DNAAF1: variants seen among roughly 807,000 people sequenced by gnomAD.
The protein encoded by DNAAF1 is dynein assembly factor 1, axonemal.
A neutral mutation model predicts 71.1 loss-of-function variants in DNAAF1; 65 were observed. The ratio of observed to expected loss-of-function variants is 0.91; its 90% CI spans 0.75 to 1.12. The LOEUF is 1.12. Ranked by LOEUF, DNAAF1 falls within the 50% of genes most tolerant of loss-of-function variation. The pLI is 0.00. For synonymous variants in DNAAF1, 414 were observed against 354.6 expected, an observed-to-expected ratio of 1.17 and a Z score of -1.88; for missense variants, 1,178 against 899.8, an observed-to-expected ratio of 1.31 and a Z score of -3.96.
At chr16:84,152,109 G>A (rs904800220) in intron 3 of DNAAF1, among the ~76,000 whole-genome samples, 5 of 152,222 alleles carry the variant, frequency 3.3e-5, no homozygotes, top group African/African-American at 7.2e-5. Flanking sequence ...AGGACTGACC[G>A]TAGCGTGTAG....
chr16:84,152,108 C>T (rs1020441409), intron 3 of DNAAF1, among the ~76,000 whole-genome samples: 2 of 152,166 alleles, frequency 1.3e-5, no homozygotes, highest in Admixed American at 1.3e-4. Flanking sequence ...GAGGACTGAC[C>T]GTAGCGTGTA....
chr16:84,168,827 T>TACACACACACAC (rs55903132), intron 7 of DNAAF1, among the ~76,000 whole-genome samples: 5,745 of 145,864 alleles, frequency 0.039, 162 homozygotes, highest in East Asian at 0.059. Flanking sequence ...ATTTGCCACA[T>TACACACACACAC]ACACACACAC....
chr16:84,170,461 G>A (rs894853552), intron 8 of DNAAF1, 105 bp downstream of exon 8: 2 of 1,548,280 alleles, frequency 1.3e-6, no homozygotes, highest in East Asian at 2.3e-5. Context: ...CACTTCTTCT[G>A]TATTGCTGTT....
chr16:84,153,473 C>T (rs1248203046), intron 3 of DNAAF1, among the ~76,000 whole-genome samples: 1 of 152,052 alleles, frequency 6.6e-6, no homozygotes, highest in African/African-American at 2.4e-5. Context: ...TATACAATGC[C>T]TGTGTTTAAG....
chr16:84,174,578 G>T, intron 9 of DNAAF1, 91 bp from the exon 10 acceptor site: 1 of 1,610,906 alleles, frequency 6.2e-7, no homozygotes, highest in Non-Finnish European at 8.5e-7. Flanking sequence ...ACTAAGGCTG[G>T]GTTGACTGCG....
chr16:84,159,087 T>G (rs1404138873), intron 5 of DNAAF1: 2 of 992,116 alleles, frequency 2.0e-6, no homozygotes, highest in African/African-American at 1.7e-5. Flanking sequence ...GAGACAGTAT[T>G]TAAAGATGGG....
At chr16:84,170,386 A>G in intron 8 of DNAAF1, 30 bp downstream of exon 8, 1 of 1,613,222 alleles carries the variant, frequency 6.2e-7, no homozygotes, top group Non-Finnish European at 8.5e-7. Flanking sequence ...ACACACAGAC[A>G]CACACACCTC....
rs1331525923 is a variant in DNAAF1 at position 84,153,317 on chromosome 16, C to T, written c.353-1260C>T. On this transcript the variant is annotated intron_variant, in intron 3 of 11. Coordinates refer to ENST00000378553, the MANE Select transcript of DNAAF1 (RefSeq NM_178452.6). Reference sequence around the variant, plus strand: ...CTTAATACCTAGGTGATGGGATGACCTATGCAGCAAACCACATGGCACACA... The same window carrying T: ...CTTAATACCTAGGTGATGGGATGACTTATGCAGCAAACCACATGGCACACA... Among the ~76,000 whole-genome samples, 4 of 152,154 alleles carry T rather than the reference C, an allele frequency of 2.6e-5. No individual in the cohort carries two copies. The East Asian group carries it at 7.7e-4, about 29-fold the overall frequency.
At chr16:84,148,353 C>T (rs1257618470) in intron 1 of DNAAF1, among the ~76,000 whole-genome samples, 1 of 151,976 alleles carries the variant, frequency 6.6e-6, no homozygotes, top group African/African-American at 2.4e-5. Context: ...GTGCATTCTT[C>T]TCAAAGGTAG....
chr16:84,167,297 C>T (rs774421609), intron 7 of DNAAF1, among the ~76,000 whole-genome samples: 2 of 152,268 alleles, frequency 1.3e-5, no homozygotes, highest in South Asian at 4.1e-4. Context: ...TCTGGCCACA[C>T]CCCGCTCCAG....
At chr16:84,163,903 A>C (rs577849414) in intron 6 of DNAAF1, among the ~76,000 whole-genome samples, 1 of 151,952 alleles carries the variant, frequency 6.6e-6, no homozygotes, top group African/African-American at 2.4e-5. Context: ...TCTGTCACCA[A>C]GCAACCCTCC....
intron 5 of DNAAF1, 145 bp from the exon 6 acceptor site, chr16:84,159,530 C>T: frequency 1.8e-6 from 2 of 1,140,532 alleles, no homozygotes; most frequent in African/African-American, 1.6e-5. Flanking sequence ...CCGATTTCTC[C>T]CATCAAGTCA....
chr16:84,147,824 G>C (rs535453238), intron 1 of DNAAF1, among the ~76,000 whole-genome samples: 1 of 152,218 alleles, frequency 6.6e-6, no homozygotes, highest in African/African-American at 2.4e-5. Flanking sequence ...CCAGCACTTT[G>C]GAAGGCCAAG....
chr16:84,154,317 G>A (rs1305566434), intron 3 of DNAAF1, among the ~76,000 whole-genome samples: 1 of 152,166 alleles, frequency 6.6e-6, no homozygotes, highest in East Asian at 1.9e-4. Context: ...ATCCTCATGG[G>A]GTGAAGATGG....
At chr16:84,172,035 A>G (rs976888700) in intron 8 of DNAAF1, among the ~76,000 whole-genome samples, 3 of 151,914 alleles carry the variant, frequency 2.0e-5, no homozygotes, top group African/African-American at 2.4e-5. Context: ...CCGCCACCAC[A>G]CCTGGCTAAT....
chr16:84,176,543 C>T (rs1165467565), intron 11 of DNAAF1: 12 of 583,078 alleles, frequency 2.1e-5, no homozygotes, highest in Non-Finnish European at 3.7e-5. Context: ...GCAGCCGAGT[C>T]TGACTGTGTG....
At chr16:84,173,633 A>C (rs2088497484) in intron 9 of DNAAF1, 1 of 572,212 alleles carries the variant, frequency 1.7e-6, no homozygotes, top group Admixed American at 6.3e-5. Context: ...CAGGAGTTTG[A>C]GACCAGCCTG....
At chr16:84,173,897 C>T (rs1054309433) in intron 9 of DNAAF1, 7 of 152,674 alleles carry the variant, frequency 4.6e-5, no homozygotes, top group African/African-American at 1.7e-4. Context: ...GGCAATTTAT[C>T]TCTCACATTT....
At chr16:84,163,337 A>G (rs1336183600) in intron 6 of DNAAF1, among the ~76,000 whole-genome samples, 1 of 149,894 alleles carries the variant, frequency 6.7e-6, no homozygotes, top group Non-Finnish European at 1.5e-5. Flanking sequence ...ATCCTCACCA[A>G]CACTTCGGGT....
Sources: allele counts gnomAD v4.1 joint callset (sites outside exome capture counted in the v4.1 genomes callset), GRCh38; gene constraint gnomAD v4.1.1; transcripts MANE v1.5; gene names NCBI Gene and HGNC (gene_info 2026-07-23, HGNC 2026-07-21).